ZDBF2: variants seen among roughly 807,000 people sequenced by gnomAD.
The protein encoded by ZDBF2 is zinc finger DBF-type containing 2.
In ZDBF2, 6 loss-of-function variants were observed where a neutral mutation model predicts 9.4. The observed-to-expected ratio is 0.64, with a 90% CI of 0.35 to 1.27. The LOEUF is 1.27. Among genes scored for constraint, ZDBF2 ranks in the 50% most tolerant of loss-of-function variants. The pLI, the probability that ZDBF2 is intolerant of heterozygous loss-of-function variation, is 0.03. For missense variants in ZDBF2, 2,697 were observed against 2,766.8 expected, an observed-to-expected ratio of 0.97 and a Z score of 0.57; for synonymous variants, 905 against 946.3, an observed-to-expected ratio of 0.96 and a Z score of 0.80.
chr2:206,275,408 C>A (rs1266526297), intron 1 of ZDBF2, among the ~76,000 whole-genome samples: 3 of 152,162 alleles, frequency 2.0e-5, no homozygotes, highest in African/African-American at 7.2e-5. Context: ...GGCCCCAGAC[C>A]TAGGCCTTTC....
rs1403228476 is a variant in ZDBF2, at chr2:206,307,370, T to G, written c.2842T>G (p.Leu948Val). The stretch of plus-strand genomic sequence containing the variant: ...CCTTCACACAAAAGAGCACATGTAC[T>G]TAGAAAATAAGAGTGTTTTTGAAAC... Reference protein sequence around the residue: ...ISLHTKEHMYLENKSVFETSL... With the variant: ...ISLHTKEHMYVENKSVFETSL... The change falls in exon 5 of 5, where the codon TTA becomes GTA. Residue 948 changes from leucine (L) to valine (V), a missense_variant. This residue lies in a region of ZDBF2 where 1,783 missense variants were observed against 1,776.5 expected (regional missense o/e 1.00). Coordinates refer to ENST00000374423, the MANE Select transcript of ZDBF2 (RefSeq NM_020923.3). The G allele has an allele frequency of 1.2e-6, 2 of 1,613,168 alleles. No individual in the cohort carries two copies. Among genetic ancestry groups the G allele is most frequent in the African/African-American group, 2.7e-5 (2 of 74,892 alleles).
At chr2:206,293,041 G>T (rs1691980243) in intron 3 of ZDBF2, among the ~76,000 whole-genome samples, 1 of 152,074 alleles carries the variant, frequency 6.6e-6, no homozygotes, top group African/African-American at 2.4e-5. Flanking sequence ...GTGAATAGAT[G>T]TCCTCTATCA....
At chr2:206,295,970 C>A (rs1359563132) in intron 3 of ZDBF2, among the ~76,000 whole-genome samples, 1 of 152,036 alleles carries the variant, frequency 6.6e-6, no homozygotes, top group Non-Finnish European at 1.5e-5. Flanking sequence ...AATAAAGGTA[C>A]CTTTTTTGTC....
At chr2:206,286,263 C>A (rs2105908303) in intron 3 of ZDBF2, among the ~76,000 whole-genome samples, 1 of 152,168 alleles carries the variant, frequency 6.6e-6, no homozygotes, top group South Asian at 2.1e-4. Flanking sequence ...TGCTGATTTT[C>A]TATCTAGATG....
Position 206,310,732 on chromosome 2 carries a change from A to T in ZDBF2, c.6204A>T (p.Val2068=). 1 of 1,613,806 alleles carries T rather than the reference A, an allele frequency of 6.2e-7. No individual in the cohort carries two copies. Among genetic ancestry groups the T allele is most frequent in the Non-Finnish European group, 8.5e-7 (1 of 1,179,876 alleles). The change falls in exon 5 of 5, where the codon GTA becomes GTT. Residue 2068 remains valine (V), a synonymous_variant. Transcript: ENST00000374423. The part of the protein sequence containing the change: ...KQIVISPPLS[V]IVPEFERRNW... ...TTGTAATTAGTCCTCCCCTGAGTGT[A>T]ATAGTACCAGAGTTTGAGAGGCGTA...
At chr2:206,292,017 C>G (rs774093997) in intron 3 of ZDBF2, 11 of 398,154 alleles carry the variant, frequency 2.8e-5, no homozygotes, top group Non-Finnish European at 4.4e-5. Context: ...CCAGCAGACT[C>G]TCACTAAAGG....
In ZDBF2 at chr2:206,311,120, A is replaced by G. The variant is rs938957976; in HGVS notation, c.6592A>G (p.Ile2198Val). 6 of 1,613,780 alleles carry G rather than the reference A, an allele frequency of 3.7e-6. No homozygotes were observed. The highest frequency in any genetic ancestry group is 1.3e-5 in the African/African-American group (1 of 74,946). Residue 2198 changes from isoleucine to valine, a missense_variant, in exon 5 of 5, where the codon ATT (isoleucine) becomes GTT (valine). Physicochemically the swap from Ile to Val is conservative, Grantham distance 29. Coordinates refer to ENST00000374423, the MANE Select transcript of ZDBF2 (RefSeq NM_020923.3). ...TTTTCCCAAAAAGGTTTATAAACCA[A>G]TTATTCTCCAGCAAAAACCCAGAAA... ...LGFPKKVYKPIILQQKPRKAS... is the reference protein window; with the variant it reads ...LGFPKKVYKPVILQQKPRKAS...
At position 206,309,685 on chromosome 2, in the gene ZDBF2, G is replaced by A. The variant is rs199787242; in HGVS notation, c.5157G>A (p.Ala1719=). ...ATTTTGGTGCCTCTTCCAAGTCAGCGCTCCATCGAAGGGCTGATAAAAAAA... is the reference window on the plus strand; with the variant it reads ...ATTTTGGTGCCTCTTCCAAGTCAGCACTCCATCGAAGGGCTGATAAAAAAA... ...AVDFGASSKS[A]LHRRADKKKR... is the part of the protein sequence containing the mutation. Residue 1719 remains alanine (A), a synonymous_variant, in exon 5 of 5, where the codon GCG becomes GCA. Transcript: ENST00000374423. The A allele has an allele frequency of 5.0e-3, 8,125 of 1,613,786 alleles. 35 individuals are homozygous for A. Among genetic ancestry groups the A allele is most frequent in the Non-Finnish European group, 6.3e-3 (7,479 of 1,179,872 alleles).
At chr2:206,289,716 A>T (rs1256947445) in intron 3 of ZDBF2, among the ~76,000 whole-genome samples, 2 of 152,194 alleles carry the variant, frequency 1.3e-5, no homozygotes, top group Non-Finnish European at 2.9e-5. Context: ...AGGGGAACAC[A>T]GTGGTGTTGA....
Position 206,304,912 on chromosome 2 carries a change from G to C in ZDBF2, c.384G>C (p.Thr128=), listed in dbSNP as rs143619911. 4.3e-6 allele frequency: 7 copies of C among 1,613,646 alleles called. No individual in the cohort carries two copies. The highest frequency in any genetic ancestry group is 5.9e-6 in the Non-Finnish European group (7 of 1,179,760). Residue 128 remains threonine (T), a synonymous_variant, in exon 5 of 5, where the codon ACG becomes ACC. Transcript: ENST00000374423. ...HSRPHKSQEG[T]QEVSVRPSVI... ...GACCTCATAAATCTCAGGAAGGCAC[G>C]CAGGAGGTTTCAGTTCGACCATCAG...
intron 4 of ZDBF2, among the ~76,000 whole-genome samples, chr2:206,298,801 C>T (rs1241828127): frequency 6.6e-6 from 1 of 152,092 alleles, no homozygotes; most frequent in Non-Finnish European, 1.5e-5. Context: ...ACTGGGATTA[C>T]AGGAATGAGT....
chr2:206,283,822 C>A (rs1037060284), intron 3 of ZDBF2, among the ~76,000 whole-genome samples: 22 of 152,188 alleles, frequency 1.4e-4, no homozygotes, highest in Middle Eastern at 3.4e-3. Flanking sequence ...CACCACCGTA[C>A]CCAGCTAATA....
Position 206,308,003 on chromosome 2 carries a change from G to C in ZDBF2, c.3475G>C (p.Glu1159Gln), listed in dbSNP as rs753037427. The change falls in exon 5 of 5, where the codon GAA becomes CAA. Residue 1159 changes from glutamate to glutamine, a missense_variant. Glu to Gln is a conservative substitution (Grantham distance 29). Coordinates refer to ENST00000374423, the MANE Select transcript of ZDBF2 (RefSeq NM_020923.3). Reference protein sequence around the residue: ...EVKNSQYSCSEMNLDSGFLGQ... With the variant: ...EVKNSQYSCSQMNLDSGFLGQ... ...TAAGAACAGCCAATATAGTTGTTCA[G>C]AAATGAATTTGGATTCTGGTTTCTT... is the stretch of plus-strand genomic sequence containing the variant. 1 of 1,613,874 alleles carries C rather than the reference G, an allele frequency of 6.2e-7. No homozygotes were observed. The highest frequency in any genetic ancestry group is 2.2e-5 in the East Asian group (1 of 44,882).
At position 206,311,698 on chromosome 2, in the gene ZDBF2, T is replaced by C. The variant is rs960314391; in HGVS notation, c.*105T>C. On this transcript the variant is annotated 3_prime_UTR_variant, in exon 5 of 5. Coordinates refer to ENST00000374423, the MANE Select transcript of ZDBF2 (RefSeq NM_020923.3). ...CCCAGCTTTGGTGAGAAAACTAATC[T>C]TGAACTATTTTGCTATAAATATTAT... is the stretch of plus-strand genomic sequence containing the variant. 2.7e-6 allele frequency: 3 copies of C among 1,108,006 alleles called. No individual in the cohort carries two copies. In the East Asian group the frequency reaches 9.1e-5, roughly 34 times the overall value. 68.6% of individuals were successfully genotyped at this position (1,108,006 alleles called of 1,614,324 possible). A position where few individuals can be genotyped will look rare whatever the true frequency, so the allele number is the denominator to read the frequency against.
chr2:206,282,343 C>T (rs1691364612), intron 3 of ZDBF2, among the ~76,000 whole-genome samples: 1 of 152,084 alleles, frequency 6.6e-6, no homozygotes. Context: ...GTGGTTGGCA[C>T]ACTAACGAAG....
chr2:206,306,162 C>T lies in ZDBF2; in HGVS notation c.1634C>T (p.Pro545Leu), dbSNP rs567201252. ...SSEVSADSVF[P>L]LQSVVDRPPV... The stretch of plus-strand genomic sequence containing the variant: ...GAAGTAAGTGCTGATTCTGTTTTCC[C>T]ACTGCAGTCAGTGGTTGACAGACCC... The change falls in exon 5 of 5, where the codon CCA (proline) becomes CTA (leucine). Residue 545 changes from proline to leucine, a missense_variant. Pro to Leu is a moderately conservative substitution (Grantham distance 98). Around this residue, in one of 3 missense-constraint regions of ZDBF2, gnomAD observed 910 missense variants for 973.6 expected, o/e 0.93. Coordinates refer to ENST00000374423, the MANE Select transcript of ZDBF2 (RefSeq NM_020923.3). The T allele has an allele frequency of 5.0e-6, 8 of 1,613,716 alleles. No homozygotes were observed. Among genetic ancestry groups the T allele is most frequent in the Non-Finnish European group, 6.8e-6 (8 of 1,179,792 alleles).
intron 4 of ZDBF2, among the ~76,000 whole-genome samples, chr2:206,303,350 T>C (rs1430714393): frequency 6.6e-6 from 1 of 152,126 alleles, no homozygotes; most frequent in Non-Finnish European, 1.5e-5. Flanking sequence ...GCTTAACTTT[T>C]TTTGAATTTG....
chr2:206,301,149 G>A (rs548915606), intron 4 of ZDBF2, among the ~76,000 whole-genome samples: 3 of 152,134 alleles, frequency 2.0e-5, no homozygotes, highest in South Asian at 4.2e-4. Context: ...TTTATTCTAT[G>A]ATATGTTTGT....
rs1244629950 is a variant in ZDBF2, at chr2:206,308,104, T to A, written c.3576T>A (p.Asn1192Lys). Reference protein sequence around the residue: ...QEHIELEGKHNQCCGSEVSFD... With the variant: ...QEHIELEGKHKQCCGSEVSFD... ...ACATTGAACTAGAAGGTAAGCACAATCAATGTTGTGGTTCTGAAGTAAGTT... is the reference window on the plus strand; with the variant it reads ...ACATTGAACTAGAAGGTAAGCACAAACAATGTTGTGGTTCTGAAGTAAGTT... The change falls in exon 5 of 5, where the codon AAT (asparagine) becomes AAA (lysine). Residue 1192 changes from asparagine (N) to lysine (K), a missense_variant. Asn to Lys is a moderately conservative substitution (Grantham distance 94). This residue lies in a region of ZDBF2 where 1,783 missense variants were observed against 1,776.5 expected (regional missense o/e 1.00). Transcript: ENST00000374423. 6.2e-7 allele frequency: 1 copy of A among 1,613,832 alleles called. No individual in the cohort carries two copies. The highest frequency in any genetic ancestry group is 8.5e-7 in the Non-Finnish European group (1 of 1,179,846).
Sources: gnomAD v4.1 joint callset for allele counts (sites outside exome capture counted in the v4.1 genomes callset) on GRCh38, gnomAD v4.1.1 for gene constraint, gnomAD v4.1.1 regional missense constraint, MANE v1.5 for transcripts, NCBI Gene and HGNC (gene_info 2026-07-23, HGNC 2026-07-21) for gene names.